The following SLIT2 variants were observed in gnomAD, a reference collection of about 807,000 sequenced individuals.
SLIT2 encodes the protein slit homolog 2 protein.
SLIT2 carries 41 observed loss-of-function variants against 185.7 expected under a neutral mutation model. That is an observed-to-expected ratio of 0.22 (90% confidence interval 0.17 to 0.29). The LOEUF (loss-of-function observed/expected upper bound fraction) is 0.29, where lower values mean the gene tolerates loss of function less well. SLIT2 is among the 10% of genes least tolerant of loss of function. SLIT2 has a pLI of 1.00. For missense variants in SLIT2, 1,571 were observed against 1,909.0 expected, an observed-to-expected ratio of 0.82 and a Z score of 3.30; for synonymous variants, 693 against 680.2, an observed-to-expected ratio of 1.02 and a Z score of -0.29.
At chr4:20,483,640 A>G (rs942241635) in intron 6 of SLIT2, among the ~76,000 whole-genome samples, 2 of 152,220 alleles carry the variant, frequency 1.3e-5, no homozygotes, top group Non-Finnish European at 1.5e-5. Context: ...AACGATATGC[A>G]TGGTGGTAAG....
chr4:20,596,363 G>C lies in SLIT2; in HGVS notation c.3321-52G>C, dbSNP rs1295005003. On this transcript the variant is annotated intron_variant, in intron 31 of 36. Coordinates refer to ENST00000504154, the MANE Select transcript of SLIT2 (RefSeq NM_004787.4). ...TGTTATACAGCTCTCAATTCAGATT[G>C]GCAATTAAGTAAAATCGTATTAACT... is the stretch of plus-strand genomic sequence containing the variant. The C allele has an allele frequency of 3.2e-6, 5 of 1,554,448 alleles. No homozygotes were observed. The Admixed American group carries it at 8.6e-5, about 27-fold the overall frequency.
chr4:20,387,496 T>G (rs1725025065), intron 4 of SLIT2, among the ~76,000 whole-genome samples: 1 of 152,172 alleles, frequency 6.6e-6, no homozygotes, highest in Non-Finnish European at 1.5e-5. Context: ...TCGTATCAGC[T>G]TCTGCATTCA....
chr4:20,294,488 A>T (rs1305699033), intron 4 of SLIT2, among the ~76,000 whole-genome samples: 1 of 152,186 alleles, frequency 6.6e-6, no homozygotes, highest in Non-Finnish European at 1.5e-5. Flanking sequence ...AAATCACTGG[A>T]GTAAATGTTG....
chr4:20,342,760 A>C (rs1242291167), intron 4 of SLIT2, among the ~76,000 whole-genome samples: 27 of 86,840 alleles, frequency 3.1e-4, no homozygotes, highest in Non-Finnish European at 1.2e-4. Flanking sequence ...TACACGTTCT[A>C]ATGTCGGTCC....
At chr4:20,442,547 G>C (rs866419361) in intron 4 of SLIT2, among the ~76,000 whole-genome samples, 13 of 151,286 alleles carry the variant, frequency 8.6e-5, no homozygotes, top group South Asian at 2.1e-4. Context: ...AAAAAAAGGG[G>C]GGGGAGGGAC....
In SLIT2 at chr4:20,392,695, TCTTA is replaced by T. The variant is rs544260817; in HGVS notation, c.396-75053_396-75050del. Among the ~76,000 whole-genome samples the T allele has an allele frequency of 3.5e-4, 53 of 152,244 alleles. No individual in the cohort carries two copies. The Middle Eastern group carries it at 0.017, about 49-fold the overall frequency. Reference sequence around the variant, plus strand: ...GTGCTTTTCTATTTTTAATGTTTTTTCTTACTTTTTAAAATTTTGTTAAAAACTA... The same window carrying T: ...GTGCTTTTCTATTTTTAATGTTTTTTCTTTTTAAAATTTTGTTAAAAACTA... On this transcript the variant is annotated intron_variant, in intron 4 of 36. Coordinates refer to ENST00000504154, the MANE Select transcript of SLIT2 (RefSeq NM_004787.4).
chr4:20,603,242 G>A (rs1387989114), intron 33 of SLIT2, among the ~76,000 whole-genome samples: 3 of 152,124 alleles, frequency 2.0e-5, no homozygotes, highest in East Asian at 1.9e-4. Flanking sequence ...ATCACATCTC[G>A]TGAGACTCAT....
At chr4:20,518,565 A>ATATATATATATATATATATATATATT (rs1720484897) in intron 11 of SLIT2, among the ~76,000 whole-genome samples, 1 of 11,344 alleles carries the variant, frequency 8.8e-5, no homozygotes, top group Non-Finnish European at 1.6e-4. Flanking sequence ...ATGTATATAT[A>ATATATATATATATATATATATATATT]TATATATATA....
intron 4 of SLIT2, among the ~76,000 whole-genome samples, chr4:20,433,717 GTTT>G (rs1729148432): frequency 6.6e-6 from 1 of 152,212 alleles, no homozygotes; most frequent in Non-Finnish European, 1.5e-5. Context: ...CAGCCAGTGA[GTTT>G]TTAACTCTGG....
chr4:20,606,067 C>T (rs908664068), intron 33 of SLIT2, among the ~76,000 whole-genome samples: 13 of 152,148 alleles, frequency 8.5e-5, no homozygotes, highest in African/African-American at 2.2e-4. Context: ...TAATTTTAAA[C>T]GAATGTGTAG....
intron 4 of SLIT2, among the ~76,000 whole-genome samples, chr4:20,419,608 T>G (rs908269809): frequency 2.0e-5 from 3 of 151,686 alleles, no homozygotes; most frequent in Non-Finnish European, 4.4e-5. Flanking sequence ...TTTTCCCACC[T>G]TTAAAATGGG....
chr4:20,586,597 G>A (rs60292675), intron 29 of SLIT2, among the ~76,000 whole-genome samples: 3,939 of 152,224 alleles, frequency 0.026, 169 homozygotes, highest in African/African-American at 0.09. Flanking sequence ...AATATTAAGT[G>A]ACTGCATATT....
chr4:20,375,832 T>C lies in SLIT2; in HGVS notation c.396-91920T>C, dbSNP rs577815915. 5.7e-4 allele frequency among the ~76,000 whole-genome samples: 87 copies of C among 152,252 alleles called. No homozygotes were observed. The South Asian group carries it at 0.014, about 25-fold the overall frequency. Reference sequence around the variant, plus strand: ...CAGTGTCATACATAAAAATGCACTATGTGCTTTCATTTTAAAAATATTTTA... The same window carrying C: ...CAGTGTCATACATAAAAATGCACTACGTGCTTTCATTTTAAAAATATTTTA... On this transcript the variant is annotated intron_variant, in intron 4 of 36. Coordinates refer to ENST00000504154, the MANE Select transcript of SLIT2 (RefSeq NM_004787.4).
At chr4:20,570,764 TC>T (rs1725540208) in intron 29 of SLIT2, among the ~76,000 whole-genome samples, 2 of 143,114 alleles carry the variant, frequency 1.4e-5, no homozygotes, top group African/African-American at 2.6e-5. Flanking sequence ...TATATATATT[TC>T]CTGATGAAAA....
At chr4:20,539,839 T>C (rs1722645137) in intron 19 of SLIT2, among the ~76,000 whole-genome samples, 1 of 152,218 alleles carries the variant, frequency 6.6e-6, no homozygotes, top group Admixed American at 6.5e-5. Context: ...ATAATGTAGC[T>C]TAATTCCAAA....
intron 4 of SLIT2, among the ~76,000 whole-genome samples, chr4:20,339,818 A>T (rs1448972051): frequency 6.7e-6 from 1 of 149,386 alleles, no homozygotes; most frequent in African/African-American, 2.5e-5. Context: ...AGTGTGATTT[A>T]AAAAAAAAAG....
Position 20,463,008 on chromosome 4 carries a change from G to A in SLIT2, c.396-4744G>A, listed in dbSNP as rs190205631. Among the ~76,000 whole-genome samples, 4 of 152,200 alleles carry A rather than the reference G, an allele frequency of 2.6e-5. No individual in the cohort carries two copies. In the East Asian group the frequency reaches 5.8e-4, roughly 22 times the overall value. ...TCGTTTTTGAACATTTTAAAAGTAT[G>A]AACTCATTGAATCCACCTAACAATC... On this transcript the variant is annotated intron_variant, in intron 4 of 36. Transcript: ENST00000504154.
chr4:20,475,620 T>C (rs1716011594), intron 5 of SLIT2, among the ~76,000 whole-genome samples: 1 of 152,138 alleles, frequency 6.6e-6, no homozygotes, highest in East Asian at 1.9e-4. Context: ...CGGATGATGC[T>C]AATTTCTCCT....
chr4:20,348,069 G>A (rs867439989), intron 4 of SLIT2, among the ~76,000 whole-genome samples: 9 of 152,180 alleles, frequency 5.9e-5, no homozygotes, highest in African/African-American at 1.9e-4. Flanking sequence ...TACCAACACC[G>A]TACCAGTGGT....
Sources: gnomAD v4.1 joint callset for allele counts (sites outside exome capture counted in the v4.1 genomes callset) on GRCh38, gnomAD v4.1.1 for gene constraint, MANE v1.5 for transcripts, NCBI Gene and HGNC (gene_info 2026-07-23, HGNC 2026-07-21) for gene names.